The following EYS variants were observed in gnomAD, a reference collection of about 807,000 sequenced individuals.
EYS encodes the protein protein eyes shut homolog.
A neutral mutation model predicts 282.1 loss-of-function variants in EYS; 250 were observed. The observed-to-expected ratio is 0.89, with a 90% CI of 0.80 to 0.98. The LOEUF is 0.98. EYS is among the 50% of genes least tolerant of loss of function. The pLI, the probability that EYS is intolerant of heterozygous loss-of-function variation, is 0.00. For synonymous variants in EYS, 1,355 were observed against 1,282.9 expected (o/e 1.06, Z -1.20); for missense variants, 4,016 against 3,709.0 (o/e 1.08, Z -2.15).
chr6:64,058,333 G>T (rs1420732717), intron 33 of EYS, among the ~76,000 whole-genome samples: 1 of 151,880 alleles, frequency 6.6e-6, no homozygotes, highest in Non-Finnish European at 1.5e-5. Context: ...TTCTAAAGAA[G>T]TTAATTGAGA....
At chr6:65,011,989 A>T (rs775821480) in intron 13 of EYS, among the ~76,000 whole-genome samples, 1 of 152,196 alleles carries the variant, frequency 6.6e-6, no homozygotes, top group African/African-American at 2.4e-5. Context: ...GTAGATTATT[A>T]ACAATTTGAT....
intron 26 of EYS, among the ~76,000 whole-genome samples, chr6:64,485,981 CA>C (rs763160285): frequency 2.2e-4 from 33 of 151,302 alleles, no homozygotes; most frequent in Admixed American, 6.0e-4. Context: ...AGAAAATAGA[CA>C]AAGGAAATTA....
intron 33 of EYS, among the ~76,000 whole-genome samples, chr6:64,002,351 A>T (rs577977611): frequency 6.6e-6 from 1 of 152,338 alleles, no homozygotes; most frequent in Admixed American, 6.5e-5. Context: ...CTTCTGGGAC[A>T]CTGGGCAAGA....
At chr6:65,111,531 T>C (rs1419282580) in intron 12 of EYS, among the ~76,000 whole-genome samples, 1 of 152,194 alleles carries the variant, frequency 6.6e-6, no homozygotes, top group African/African-American at 2.4e-5. Context: ...TACAAACCTT[T>C]ATTTTGGACT....
chr6:64,091,002 C>T (rs1772339274), intron 31 of EYS, among the ~76,000 whole-genome samples: 1 of 152,128 alleles, frequency 6.6e-6, no homozygotes, highest in African/African-American at 2.4e-5. Context: ...AATAGTAACC[C>T]TTTCAGTTTG....
chr6:63,729,041 A>G (rs770132877), intron 41 of EYS, among the ~76,000 whole-genome samples: 20 of 152,182 alleles, frequency 1.3e-4, no homozygotes, highest in Non-Finnish European at 2.6e-4. Flanking sequence ...ATCTAGTGTT[A>G]TCCAATTATT....
At chr6:65,142,284 A>G (rs1454124948) in intron 12 of EYS, among the ~76,000 whole-genome samples, 1 of 149,986 alleles carries the variant, frequency 6.7e-6, no homozygotes, top group Admixed American at 6.7e-5. Flanking sequence ...TGGGAATCCC[A>G]GTGTACAAAA....
At chr6:64,562,304 A>G (rs1765422344) in intron 26 of EYS, among the ~76,000 whole-genome samples, 1 of 151,936 alleles carries the variant, frequency 6.6e-6, no homozygotes, top group Admixed American at 6.6e-5. Flanking sequence ...GTCTACAAAA[A>G]TATTTTTAAT....
chr6:64,946,760 A>G (rs1769298630), intron 14 of EYS, among the ~76,000 whole-genome samples: 1 of 152,094 alleles, frequency 6.6e-6, no homozygotes, highest in South Asian at 2.1e-4. Context: ...TACATATTGA[A>G]TGTTGAAAAG....
intron 13 of EYS, among the ~76,000 whole-genome samples, chr6:65,028,863 T>A (rs1772508741): frequency 6.6e-6 from 1 of 152,114 alleles, no homozygotes; most frequent in Non-Finnish European, 1.5e-5. Flanking sequence ...CAACTCCACC[T>A]TACTTTCATG....
intron 24 of EYS, among the ~76,000 whole-genome samples, chr6:64,598,325 G>C (rs1384775477): frequency 2.0e-5 from 3 of 152,186 alleles, no homozygotes; most frequent in Non-Finnish European, 4.4e-5. Flanking sequence ...GCCGGCCTTG[G>C]TGGCGGGCGT....
chr6:65,463,194 T>G (rs1764881008), intron 5 of EYS, among the ~76,000 whole-genome samples: 1 of 152,144 alleles, frequency 6.6e-6, no homozygotes, highest in Non-Finnish European at 1.5e-5. Flanking sequence ...TCTTACTTGC[T>G]TATCTGACAT....
In EYS at chr6:64,590,417, C is replaced by T. The variant is rs983691310; in HGVS notation, c.5450G>A (p.Trp1817Ter). ...GGTCATATAATCTGTAAAATATGGC[C>T]AATCTGGCCTAATTACAGACATGGA... The part of the protein sequence containing the change: ...SSSMSVIRPD[W>*]PYFTDYMTSL... The change falls in exon 26 of 43, where the codon TGG becomes TAG. Residue 1817 changes from tryptophan (W) to a stop codon, truncating the protein, a stop_gained. Coordinates refer to ENST00000503581, the MANE Select transcript of EYS (RefSeq NM_001142800.2). LOFTEE classifies it high-confidence loss of function. The T allele has an allele frequency of 6.4e-7, 1 of 1,551,296 alleles. No individual in the cohort carries two copies. The highest frequency in any genetic ancestry group is 1.2e-5 in the South Asian group (1 of 84,054).
Position 64,374,539 on chromosome 6 carries a change from C to T in EYS, c.6078+14151G>A, listed in dbSNP as rs1378532576. Among the ~76,000 whole-genome samples the T allele has an allele frequency of 2.6e-5, 4 of 152,254 alleles. No individual in the cohort carries two copies. In the East Asian group the frequency reaches 5.8e-4, roughly 22 times the overall value. The stretch of plus-strand genomic sequence containing the variant: ...CCCTTTCCCATGTTGGAGATGTTTT[C>T]CTAGCTCCATGCTGAGGCCAGATAG... On this transcript the variant is annotated intron_variant, in intron 29 of 42. Transcript: ENST00000503581.
intron 7 of EYS, among the ~76,000 whole-genome samples, chr6:65,387,907 G>A (rs1007079838): frequency 3.3e-5 from 5 of 151,936 alleles, no homozygotes; most frequent in African/African-American, 1.2e-4. Context: ...GGATTCTGAT[G>A]GAAAGTTACT....
intron 26 of EYS, among the ~76,000 whole-genome samples, chr6:64,552,768 A>T (rs1765123328): frequency 6.8e-6 from 1 of 147,254 alleles, no homozygotes; most frequent in Admixed American, 6.8e-5. Flanking sequence ...AACATAAAAA[A>T]ATTAGCCAGG....
intron 36 of EYS, among the ~76,000 whole-genome samples, chr6:63,831,007 A>G (rs138338751): frequency 0.012 from 1,880 of 152,316 alleles, 32 homozygotes; most frequent in African/African-American, 0.043. Context: ...TTTACAGACA[A>G]ACAAATGCTG....
intron 5 of EYS, among the ~76,000 whole-genome samples, chr6:65,415,581 C>A (rs1345913401): frequency 6.6e-6 from 1 of 151,812 alleles, no homozygotes; most frequent in East Asian, 1.9e-4. Context: ...TGGAATCCCG[C>A]CCACCGGTAA....
rs564950620 is a variant in EYS at position 65,500,909 on chromosome 6, C to T, written c.-332-4916G>A. Reference sequence around the variant, plus strand: ...GAAGAATGAAGTGCATTGTGGATTACGCTTGGGGGTGGGGGAAAGTCAGAA... The same window carrying T: ...GAAGAATGAAGTGCATTGTGGATTATGCTTGGGGGTGGGGGAAAGTCAGAA... On this transcript the variant is annotated intron_variant, in intron 2 of 42. Transcript: ENST00000503581. Among the ~76,000 whole-genome samples the T allele has an allele frequency of 8.6e-5, 13 of 151,950 alleles. No individual in the cohort carries two copies. In the South Asian group the frequency reaches 2.3e-3, roughly 27 times the overall value.
Sources: gnomAD v4.1 joint callset for allele counts (sites outside exome capture counted in the v4.1 genomes callset) on GRCh38, gnomAD v4.1.1 for gene constraint, MANE v1.5 for transcripts, NCBI Gene and HGNC (gene_info 2026-07-23, HGNC 2026-07-21) for gene names.